Variants in SLC24A2 observed in about 807,000 individuals in gnomAD.
SLC24A2 encodes sodium/potassium/calcium exchanger 2.
A neutral mutation model predicts 62.0 loss-of-function variants in SLC24A2; 36 were observed. The ratio of observed to expected loss-of-function variants is 0.58; its 90% confidence interval spans 0.44 to 0.77. SLC24A2 has a LOEUF of 0.77. Among genes scored for constraint, SLC24A2 ranks in the 30% least tolerant of loss-of-function variants. The pLI, the probability that SLC24A2 is intolerant of heterozygous loss-of-function variation, is 0.00. For missense variants in SLC24A2, 846 were observed against 817.9 expected (o/e 1.03, Z -0.42); for synonymous variants, 358 against 294.0 (o/e 1.22, Z -2.23).
chr9:19,718,009 CTCTGTCGCCCAGGCTGGAGTGCAG>C (rs1244556069), intron 2 of SLC24A2, among the ~76,000 whole-genome samples: 2 of 147,482 alleles, frequency 1.4e-5, no homozygotes, highest in East Asian at 3.9e-4. Flanking sequence ...CGGAGTCTCG[CTCTGTCGCCCAGGCTGGAGTGCAG>C]TGGCGCAATC....
intron 7 of SLC24A2, among the ~76,000 whole-genome samples, chr9:19,554,089 A>T (rs949311439): frequency 7.2e-5 from 11 of 152,230 alleles, no homozygotes; most frequent in African/African-American, 2.6e-4. Context: ...AATCAAATCT[A>T]CCTGGTGTCC....
At chr9:19,684,941 C>T (rs546830906) in intron 2 of SLC24A2, among the ~76,000 whole-genome samples, 115 of 152,100 alleles carry the variant, frequency 7.6e-4, no homozygotes, top group African/African-American at 2.6e-3. Flanking sequence ...AATTCTACAC[C>T]TGGAAAACAA....
At chr9:19,545,291 T>C (rs1586930540) in intron 8 of SLC24A2, among the ~76,000 whole-genome samples, 1 of 152,090 alleles carries the variant, frequency 6.6e-6, no homozygotes, top group African/African-American at 2.4e-5. Flanking sequence ...TCATTTATGT[T>C]CTTCTCGAAA....
At chr9:19,732,454 C>G (rs916307143) in intron 2 of SLC24A2, among the ~76,000 whole-genome samples, 4 of 152,110 alleles carry the variant, frequency 2.6e-5, no homozygotes, top group African/African-American at 9.7e-5. Context: ...GGCAGCCTTT[C>G]TTATTTTTTT....
the SLC24A2 span, among the ~76,000 whole-genome samples, chr9:20,203,167 C>T: frequency 1.3e-5 from 2 of 151,182 alleles, no homozygotes; most frequent in Non-Finnish European, 1.5e-5. Flanking sequence ...TTTTCTTTAA[C>T]AGCTTAGTTA....
At chr9:19,951,960 C>T in the SLC24A2 span, among the ~76,000 whole-genome samples, 1 of 152,006 alleles carries the variant, frequency 6.6e-6, no homozygotes, top group Non-Finnish European at 1.5e-5. Context: ...TTTTCTAATC[C>T]ATGAGCATGA....
the SLC24A2 span, among the ~76,000 whole-genome samples, chr9:19,975,562 A>T: frequency 6.6e-6 from 1 of 152,240 alleles, no homozygotes; most frequent in African/African-American, 2.4e-5. Context: ...AGACAAAAAT[A>T]TTCAACTTAC....
chr9:19,509,885 C>T lies in SLC24A2; in HGVS notation c.*6268G>A, dbSNP rs907967591. 3 of 150,276 alleles carry T rather than the reference C, an allele frequency of 2.0e-5. No homozygotes were observed. The highest frequency in any genetic ancestry group is 4.4e-5 in the Non-Finnish European group (3 of 67,904). 9.3% of individuals were successfully genotyped at this position (150,276 alleles called of 1,614,324 possible). ...ACAAATTCCCATCCTTTTGGTGAAC[C>T]CTGGCCCATGAGATCAATCAGTAGC... is the stretch of plus-strand genomic sequence containing the variant. On this transcript the variant is annotated 3_prime_UTR_variant, in exon 11 of 11. Transcript: ENST00000341998.
At chr9:20,139,215 T>G in the SLC24A2 span, among the ~76,000 whole-genome samples, 1 of 152,192 alleles carries the variant, frequency 6.6e-6, no homozygotes, top group Non-Finnish European at 1.5e-5. Context: ...CTCTGAGAAC[T>G]GTCTATTATG....
intron 8 of SLC24A2, among the ~76,000 whole-genome samples, chr9:19,544,001 C>T (rs1253648385): frequency 6.6e-6 from 1 of 152,132 alleles, no homozygotes; most frequent in Admixed American, 6.5e-5. Context: ...TTTTCTGTCT[C>T]ATTGATGTGT....
At chr9:19,661,938 T>C (rs567105960) in intron 2 of SLC24A2, among the ~76,000 whole-genome samples, 87 of 152,308 alleles carry the variant, frequency 5.7e-4, no homozygotes, top group African/African-American at 2.0e-3. Context: ...TAAATAGACA[T>C]TGCACATTCC....
At chr9:19,672,771 C>T (rs1453939804) in intron 2 of SLC24A2, among the ~76,000 whole-genome samples, 2 of 146,230 alleles carry the variant, frequency 1.4e-5, no homozygotes, top group East Asian at 1.9e-4. Context: ...TTTTAATATC[C>T]ATCTTGATTT....
intron 2 of SLC24A2, among the ~76,000 whole-genome samples, chr9:19,728,922 C>G (rs1821253708): frequency 6.6e-6 from 1 of 152,082 alleles, no homozygotes; most frequent in Non-Finnish European, 1.5e-5. Context: ...AAATTAAAAG[C>G]TAAAATAATT....
chr9:19,851,115 C>T, the SLC24A2 span, among the ~76,000 whole-genome samples: 1 of 144,582 alleles, frequency 6.9e-6, no homozygotes, highest in Non-Finnish European at 1.5e-5. Context: ...TCTCTATCTC[C>T]TGGGTTCAAG....
At chr9:20,110,427 C>G in the SLC24A2 span, among the ~76,000 whole-genome samples, 1 of 151,438 alleles carries the variant, frequency 6.6e-6, no homozygotes, top group Non-Finnish European at 1.5e-5. Flanking sequence ...AAATCTCACC[C>G]AAAGTAGTCC....
At chr9:19,660,890 G>C (rs1321491390) in intron 2 of SLC24A2, among the ~76,000 whole-genome samples, 1 of 152,160 alleles carries the variant, frequency 6.6e-6, no homozygotes, top group Non-Finnish European at 1.5e-5. Context: ...AGACAAGGAA[G>C]CTGAGGCTTG....
At chr9:19,722,044 AGAGGG>A (rs1432109767) in intron 2 of SLC24A2, among the ~76,000 whole-genome samples, 1 of 152,110 alleles carries the variant, frequency 6.6e-6, no homozygotes, top group Non-Finnish European at 1.5e-5. Flanking sequence ...ATCCCTCCTG[AGAGGG>A]GAAAGCATCC....
the SLC24A2 span, among the ~76,000 whole-genome samples, chr9:19,873,508 TTTCTTTCTCTCTCTCCTTC>T: frequency 1.5e-5 from 2 of 130,388 alleles, no homozygotes; most frequent in African/African-American, 5.1e-5. Context: ...TTTCTTTCTT[TTTCTTTCTCTCTCTCCTTC>T]CTTTCTTTCT....
chr9:19,564,732 A>G (rs2132818161), intron 7 of SLC24A2, among the ~76,000 whole-genome samples: 1 of 152,340 alleles, frequency 6.6e-6, no homozygotes, highest in Non-Finnish European at 1.5e-5. Flanking sequence ...CTCATGCTAC[A>G]TGAAAATGTA....
Sources: gnomAD v4.1 joint callset for allele counts (sites outside exome capture counted in the v4.1 genomes callset) on GRCh38, gnomAD v4.1.1 for gene constraint, MANE v1.5 for transcripts, NCBI Gene and HGNC (gene_info 2026-07-23, HGNC 2026-07-21) for gene names.